The following RIMBP2 variants were observed in gnomAD, a reference collection of about 807,000 sequenced individuals.
RIMBP2 encodes RIMS-binding protein 2.
A neutral mutation model predicts 118.6 loss-of-function variants in RIMBP2; 48 were observed. That is an observed-to-expected ratio of 0.40 (90% CI 0.32 to 0.51). The LOEUF (loss-of-function observed/expected upper bound fraction) is 0.51. RIMBP2 is among the 20% of genes least tolerant of loss of function. RIMBP2 has a pLI of 0.41. For missense variants in RIMBP2, 1,551 were observed against 1,768.3 expected, an observed-to-expected ratio of 0.88 and a Z score of 2.20; for synonymous variants, 762 against 742.9, an observed-to-expected ratio of 1.03 and a Z score of -0.42.
Position 130,424,370 on chromosome 12 carries a change from C to T in RIMBP2, c.2901G>A (p.Gln967=), listed in dbSNP as rs1382150410. The change falls in exon 16 of 23, where the codon CAG becomes CAA. Residue 967 remains glutamine (Q), a synonymous_variant. Coordinates refer to ENST00000690449, the MANE Select transcript of RIMBP2 (RefSeq NM_001393629.1). The surrounding 1 kb of genome is among the most constrained non-coding windows in gnomAD (Gnocchi z 9.8). ...CCCCAAAGTCCTCCTCCACGCTGCTCTGCCGGGTCAGCGTCCGCCGCCGGG... is the reference window on the plus strand; with the variant it reads ...CCCCAAAGTCCTCCTCCACGCTGCTTTGCCGGGTCAGCGTCCGCCGCCGGG... ...LLARRRTLTR[Q]SSVEEDFGEQ... is the part of the protein sequence containing the mutation. 2.4e-6 allele frequency: 3 copies of T among 1,232,640 alleles called. No individual in the cohort carries two copies. The highest frequency in any genetic ancestry group is 4.2e-5 in the Admixed American group (1 of 23,696). The allele number at this position is 1,232,640 out of a possible 1,614,324, so 76.4% of individuals were successfully genotyped here. A position where few individuals can be genotyped will look rare whatever the true frequency, so the allele number is the denominator to read the frequency against.
chr12:130,582,231 G>A (rs2058530138), intron 2 of RIMBP2, among the ~76,000 whole-genome samples: 1 of 152,194 alleles, frequency 6.6e-6, no homozygotes, highest in Non-Finnish European at 1.5e-5. Flanking sequence ...AGGCACAGGG[G>A]CAGGGATTTT....
At chr12:130,514,135 G>A (rs1044015225) in intron 3 of RIMBP2, among the ~76,000 whole-genome samples, 2 of 152,218 alleles carry the variant, frequency 1.3e-5, no homozygotes, top group African/African-American at 2.4e-5. Flanking sequence ...GCCAAGCTCC[G>A]CAAAGCAGGC....
intron 15 of RIMBP2, chr12:130,427,858 A>G: frequency 4.4e-6 from 1 of 229,400 alleles, no homozygotes; most frequent in Non-Finnish European, 8.4e-6. Context: ...TCTCGAGATG[A>G]GACTTAAGGC....
At chr12:130,501,187 A>T (rs1436533881) in intron 4 of RIMBP2, among the ~76,000 whole-genome samples, 1 of 152,064 alleles carries the variant, frequency 6.6e-6, no homozygotes, top group Non-Finnish European at 1.5e-5. Flanking sequence ...CCTTGAAGAC[A>T]CACCCCGAGC....
intron 19 of RIMBP2, among the ~76,000 whole-genome samples, chr12:130,408,691 G>A (rs1045917690): frequency 1.3e-5 from 2 of 152,226 alleles, no homozygotes; most frequent in Non-Finnish European, 2.9e-5. Flanking sequence ...TGAAGGGGTG[G>A]GGCTGTGAAG....
At chr12:130,582,839 A>T (rs986480223) in intron 2 of RIMBP2, among the ~76,000 whole-genome samples, 33 of 152,200 alleles carry the variant, frequency 2.2e-4, no homozygotes, top group Non-Finnish European at 2.9e-4. Context: ...TGTCTAGTTC[A>T]TTCATTCCAA....
intron 2 of RIMBP2, among the ~76,000 whole-genome samples, chr12:130,534,251 G>A (rs1232716662): frequency 7.1e-6 from 1 of 141,030 alleles, no homozygotes; most frequent in Non-Finnish European, 1.6e-5. Context: ...GAGGTGGTGG[G>A]AGGGGAGTGG....
At chr12:130,462,267 C>G (rs1275004908) in intron 6 of RIMBP2, among the ~76,000 whole-genome samples, 1 of 152,206 alleles carries the variant, frequency 6.6e-6, no homozygotes, top group Non-Finnish European at 1.5e-5. Context: ...CCTCTGCATG[C>G]CTACATCCAC....
At chr12:130,708,546 G>C (rs987287039) in intron 1 of RIMBP2, among the ~76,000 whole-genome samples, 3 of 151,990 alleles carry the variant, frequency 2.0e-5, no homozygotes, top group African/African-American at 7.3e-5. Flanking sequence ...AATTAGCCAG[G>C]CATGGTGACA....
Position 130,538,765 on chromosome 12 carries a change from G to A in RIMBP2, c.-216-20848C>T, listed in dbSNP as rs77163453. On this transcript the variant is annotated intron_variant, in intron 2 of 22. Coordinates refer to ENST00000690449, the MANE Select transcript of RIMBP2 (RefSeq NM_001393629.1). Reference sequence around the variant, plus strand: ...ACCAAATACAGCCTGCTTCCCAACCGACTTCACATGCTCTCCCAGAGAGGC... The same window carrying A: ...ACCAAATACAGCCTGCTTCCCAACCAACTTCACATGCTCTCCCAGAGAGGC... Among the ~76,000 whole-genome samples the A allele has an allele frequency of 9.4e-3, 1,433 of 152,236 alleles. 21 individuals carry two copies. Among genetic ancestry groups the A allele is most frequent in the African/African-American group, 0.032 (1,313 of 41,526 alleles).
chr12:130,505,209 C>A (rs917768981), intron 4 of RIMBP2, among the ~76,000 whole-genome samples: 2 of 152,114 alleles, frequency 1.3e-5, no homozygotes, highest in African/African-American at 4.8e-5. Context: ...TTGCTGAGAA[C>A]CGCAGGACCA....
chr12:130,399,552 A>C lies in RIMBP2; in HGVS notation c.3900+127T>G, dbSNP rs2074328392. ...TACAACTCCCATGGCTTCAGGGCAG[A>C]GAAAAAAAATTCAGGGTGTATTTAC... On this transcript the variant is annotated intron_variant, in intron 22 of 22. Transcript: ENST00000690449. 14 of 1,095,758 alleles carry C rather than the reference A, an allele frequency of 1.3e-5. No homozygotes were observed. In the South Asian group the frequency reaches 2.5e-4, roughly 19 times the overall value. 67.9% of individuals were successfully genotyped at this position (1,095,758 alleles called of 1,614,324 possible). A position where few individuals can be genotyped will look rare whatever the true frequency, so the allele number is the denominator to read the frequency against.
chr12:130,664,900 G>A (rs973816928), intron 1 of RIMBP2, among the ~76,000 whole-genome samples: 1 of 151,916 alleles, frequency 6.6e-6, no homozygotes, highest in Admixed American at 6.5e-5. Flanking sequence ...CCAAGGATGG[G>A]CCCATTCACA....
At chr12:130,572,279 A>G (rs977263270) in intron 2 of RIMBP2, among the ~76,000 whole-genome samples, 3 of 121,572 alleles carry the variant, frequency 2.5e-5, no homozygotes, top group African/African-American at 7.8e-5. Flanking sequence ...TGGACACATC[A>G]GCAAAAGATG....
chr12:130,413,727 A>G (rs2075905675), intron 18 of RIMBP2, among the ~76,000 whole-genome samples: 1 of 151,076 alleles, frequency 6.6e-6, no homozygotes, highest in Non-Finnish European at 1.5e-5. Context: ...ATGGAACTCC[A>G]GCCTCTAGCT....
At position 130,477,894 on chromosome 12, in the gene RIMBP2, G is replaced by A. The variant is rs572893754; in HGVS notation, c.102+1018C>T. 1.5e-3 allele frequency among the ~76,000 whole-genome samples: 236 copies of A among 152,352 alleles called. 2 individuals are homozygous for A. In the South Asian group the frequency reaches 0.019, roughly 12 times the overall value. ...CTGCAGACCAGCCAGCTGCACTCTGGCCACAGGGGTGGCTGCCCTGCCAGG... is the reference window on the plus strand; with the variant it reads ...CTGCAGACCAGCCAGCTGCACTCTGACCACAGGGGTGGCTGCCCTGCCAGG... On this transcript the variant is annotated intron_variant, in intron 5 of 22. Coordinates refer to ENST00000690449, the MANE Select transcript of RIMBP2 (RefSeq NM_001393629.1).
Position 130,442,757 on chromosome 12 carries a change from A to G in RIMBP2, c.692-97T>C. The G allele has an allele frequency of 9.4e-7, 1 of 1,065,392 alleles. No homozygotes were observed. The allele number at this position is 1,065,392 out of a possible 1,614,324, so 66.0% of individuals were successfully genotyped here. On this transcript the variant is annotated intron_variant, in intron 10 of 22. Transcript: ENST00000690449. This position sits in a 1 kb window ranked among gnomAD's most constrained non-coding sequence, Gnocchi z 6.9. Reference sequence around the variant, plus strand: ...ACCTCCCCCACCAGGACCATAAGGCAGAGCAACAGGGTTGCCCTGGGGCTC... The same window carrying G: ...ACCTCCCCCACCAGGACCATAAGGCGGAGCAACAGGGTTGCCCTGGGGCTC...
intron 7 of RIMBP2, among the ~76,000 whole-genome samples, chr12:130,452,111 G>C (rs571497821): frequency 1.2e-4 from 18 of 152,276 alleles, no homozygotes; most frequent in African/African-American, 4.1e-4. Flanking sequence ...ACCAGGATCC[G>C]GGTGTGAAAC....
chr12:130,450,194 A>C lies in RIMBP2; in HGVS notation c.581+6T>G, dbSNP rs1182338728. The C allele has an allele frequency of 6.3e-7, 1 of 1,599,392 alleles. No homozygotes were observed. The highest frequency in any genetic ancestry group is 8.5e-7 in the Non-Finnish European group (1 of 1,170,808). ...GGCTCGGTGGACGCCGAGGGGCCGC[A>C]CTTACCTATAGCGGGCAACACAGAG... On this transcript the variant is annotated splice_donor_region_variant and intron_variant, in intron 9 of 22. Coordinates refer to ENST00000690449, the MANE Select transcript of RIMBP2 (RefSeq NM_001393629.1). This position sits in a 1 kb window ranked among gnomAD's most constrained non-coding sequence, Gnocchi z 4.8.
Sources: allele counts gnomAD v4.1 joint callset (sites outside exome capture counted in the v4.1 genomes callset), GRCh38; gene constraint gnomAD v4.1.1; non-coding constraint Gnocchi (gnomAD v3.1); transcripts MANE v1.5; gene names NCBI Gene and HGNC (gene_info 2026-07-23, HGNC 2026-07-21).